The following UGT1A9 variants were observed in gnomAD, a reference collection of about 807,000 sequenced individuals.
The protein encoded by UGT1A9 is UDP glucuronosyltransferase family 1 member A9, also known as UDP-glucuronosyltransferase 1A9.
Under a neutral mutation model 45.0 loss-of-function variants are expected in UGT1A9, and 35 were observed. The ratio of observed to expected loss-of-function variants is 0.78; its 90% CI spans 0.59 to 1.03. The LOEUF is 1.03. UGT1A9 is among the 50% of genes least tolerant of loss of function. The probability of loss-of-function intolerance (pLI) is 0.00; values close to 1 mark genes in which losing one functional copy is unlikely to be tolerated. For missense variants in UGT1A9, 687 were observed against 666.6 expected (o/e 1.03, Z -0.34); for synonymous variants, 278 against 250.6 (o/e 1.11, Z -1.03).
intron 1 of UGT1A9, among the ~76,000 whole-genome samples, chr2:233,736,051 TG>T (rs2078724849): frequency 6.6e-6 from 1 of 152,250 alleles, no homozygotes; most frequent in South Asian, 2.1e-4. Context: ...ATTTGAATGT[TG>T]GCCTGCCTTG....
intron 1 of UGT1A9, chr2:233,747,653 T>C: frequency 6.3e-7 from 1 of 1,590,314 alleles, no homozygotes; most frequent in Non-Finnish European, 8.6e-7. Context: ...CTTCCTTCGA[T>C]GTGGTTTTAA....
intron 4 of UGT1A9, chr2:233,771,736 GTCTT>G (rs1408768214): frequency 2.0e-5 from 3 of 152,960 alleles, no homozygotes; most frequent in Non-Finnish European, 4.4e-5. Flanking sequence ...TATAATTTTG[GTCTT>G]TCTTTTTCTC....
chr2:233,743,403 G>A (rs1209113802), intron 1 of UGT1A9: 4 of 1,297,134 alleles, frequency 3.1e-6, no homozygotes, highest in South Asian at 1.2e-5. Flanking sequence ...AGGAAGAAAG[G>A]CCCCCACTTC....
chr2:233,691,076 G>T, intron 1 of UGT1A9: 1 of 986,220 alleles, frequency 1.0e-6, no homozygotes, highest in Non-Finnish European at 1.2e-6. Context: ...AGAATGTGAA[G>T]TTTGTAGCAT....
chr2:233,690,105 T>C (rs2074974795), intron 1 of UGT1A9, among the ~76,000 whole-genome samples: 1 of 152,240 alleles, frequency 6.6e-6, no homozygotes, highest in Non-Finnish European at 1.5e-5. Context: ...CTGCATCTTA[T>C]GTCACATATG....
At chr2:233,772,206 G>A (rs1305891412) in intron 4 of UGT1A9, 56 bp from the exon 5 acceptor site, 2 of 1,609,236 alleles carry the variant, frequency 1.2e-6, no homozygotes, top group Non-Finnish European at 1.7e-6. Context: ...AGCATAAAGA[G>A]AGGATTGTTC....
At chr2:233,740,611 T>C (rs1203894418) in intron 1 of UGT1A9, 1 of 151,850 alleles carries the variant, frequency 6.6e-6, no homozygotes, top group Non-Finnish European at 1.5e-5. Flanking sequence ...TCCAGGTCTC[T>C]TGGGGCTCAC....
At position 233,719,785 on chromosome 2, in the gene UGT1A9, A is replaced by G. The variant is rs1575529784; in HGVS notation, c.855+46996A>G. 1.1e-5 allele frequency: 18 copies of G among 1,610,188 alleles called. No homozygotes were observed. In the East Asian group the frequency reaches 3.8e-4, roughly 34 times the overall value. ...TGCTTCCATATCTACTTATCTTTCC[A>G]AAGATTTTATTTTGGCTTCTTTATA... On this transcript the variant is annotated intron_variant, in intron 1 of 4. Transcript: ENST00000354728.
chr2:233,747,319 AT>A, intron 1 of UGT1A9: 1 of 1,603,764 alleles, frequency 6.2e-7, no homozygotes, highest in Non-Finnish European at 8.5e-7. Flanking sequence ...GGTGGTACCC[AT>A]TGATGGCAGC....
intron 1 of UGT1A9, chr2:233,708,386 G>A (rs1189404763): frequency 1.3e-5 from 2 of 152,170 alleles, no homozygotes; most frequent in Non-Finnish European, 2.9e-5. Flanking sequence ...TTTTGTGTGT[G>A]TGTGTTTACT....
At chr2:233,746,151 A>C (rs1346587402) in intron 1 of UGT1A9, among the ~76,000 whole-genome samples, 1 of 151,886 alleles carries the variant, frequency 6.6e-6, no homozygotes, top group Non-Finnish European at 1.5e-5. Context: ...TGATAGCATG[A>C]TTCCAAAGCC....
At chr2:233,748,086 G>A (rs1376410311) in intron 1 of UGT1A9, 37 of 1,612,904 alleles carry the variant, frequency 2.3e-5, no homozygotes, top group Non-Finnish European at 2.9e-5. Context: ...TCAGGTCGGT[G>A]TTCGTGCCTT....
chr2:233,734,102 A>G (rs1165382391), intron 1 of UGT1A9, among the ~76,000 whole-genome samples: 2 of 142,668 alleles, frequency 1.4e-5, no homozygotes, highest in East Asian at 3.9e-4. Flanking sequence ...AACTTAAAGT[A>G]TAATAATAAT....
chr2:233,691,717 G>A, intron 1 of UGT1A9: 1 of 899,256 alleles, frequency 1.1e-6, no homozygotes. Flanking sequence ...CCTGGCAGAT[G>A]GGTGGCTGGG....
rs28900381 is a variant in UGT1A9 at position 233,747,569 on chromosome 2, T to A, written c.856-19465T>A. The A allele has an allele frequency of 1.9e-3, 2,961 of 1,591,598 alleles. 126 individuals are homozygous for A. The African/African-American group carries it at 0.036, about 19-fold the overall frequency. Reference sequence around the variant, plus strand: ...CTAAAAGTATGGCAATTTTGAAAAATTCATCTTTGGTCTTTCATAGGTCTT... The same window carrying A: ...CTAAAAGTATGGCAATTTTGAAAAAATCATCTTTGGTCTTTCATAGGTCTT... On this transcript the variant is annotated intron_variant, in intron 1 of 4. Transcript: ENST00000354728.
At chr2:233,755,100 G>T (rs920872791) in intron 1 of UGT1A9, 1 of 1,335,078 alleles carries the variant, frequency 7.5e-7, no homozygotes, top group Non-Finnish European at 1.0e-6. Context: ...CTACGCGTCC[G>T]ACAACACCTC....
intron 1 of UGT1A9, chr2:233,713,616 C>A (rs749122240): frequency 7.4e-6 from 12 of 1,613,980 alleles, no homozygotes; most frequent in Middle Eastern, 3.3e-4. Context: ...GACATTCCTG[C>A]AAAGGGTCAA....
intron 1 of UGT1A9, among the ~76,000 whole-genome samples, chr2:233,765,617 G>A (rs988431612): frequency 6.6e-6 from 1 of 151,904 alleles, no homozygotes; most frequent in Non-Finnish European, 1.5e-5. Flanking sequence ...GGGGTGAGGG[G>A]TGAGGGGAGG....
chr2:233,684,844 T>C (rs1025882496), intron 1 of UGT1A9, among the ~76,000 whole-genome samples: 5 of 152,234 alleles, frequency 3.3e-5, no homozygotes, highest in African/African-American at 4.8e-5. Context: ...TTATGGACAC[T>C]GTATAGTGTT....
Sources: gnomAD v4.1 joint callset for allele counts (sites outside exome capture counted in the v4.1 genomes callset) on GRCh38, gnomAD v4.1.1 for gene constraint, MANE v1.5 for transcripts, NCBI Gene and HGNC (gene_info 2026-07-23, HGNC 2026-07-21) for gene names.